Variants in DLG2 observed in about 807,000 individuals in gnomAD.
DLG2 encodes disks large homolog 2.
Under a neutral mutation model 132.5 loss-of-function variants are expected in DLG2, and 45 were observed. The ratio of observed to expected loss-of-function variants is 0.34; its 90% confidence interval spans 0.27 to 0.44. The LOEUF is 0.44. DLG2 is among the 20% of genes least tolerant of loss of function. DLG2 has a pLI of 1.00. For synonymous variants in DLG2, 424 were observed against 419.6 expected (o/e 1.01, Z -0.13); for missense variants, 1,045 against 1,196.9 (o/e 0.87, Z 1.87).
At chr11:85,132,657 T>C in intron 5 of DLG2, 2 of 449,068 alleles carry the variant, frequency 4.5e-6, no homozygotes, top group South Asian at 3.1e-5. Flanking sequence ...TAAATTATAC[T>C]AATCATTTTC....
In DLG2 at chr11:83,924,325, A is replaced by G. The variant is rs1591130926; in HGVS notation, c.1496+6003T>C. 2.0e-5 allele frequency among the ~76,000 whole-genome samples: 3 copies of G among 152,276 alleles called. No individual in the cohort carries two copies. The South Asian group carries it at 6.2e-4, about 32-fold the overall frequency. On this transcript the variant is annotated intron_variant, in intron 15 of 27. Coordinates refer to ENST00000376104, the MANE Select transcript of DLG2 (RefSeq NM_001142699.3). The stretch of plus-strand genomic sequence containing the variant: ...TCTGCAAGGAAAGAAAGCTTGCCAA[A>G]GATAAGTTTTAGTATTCAATTTGGA...
chr11:85,612,098 C>A (rs926357538), intron 2 of DLG2, among the ~76,000 whole-genome samples: 7 of 152,134 alleles, frequency 4.6e-5, no homozygotes, highest in African/African-American at 7.2e-5. Flanking sequence ...AAACAGTGTA[C>A]CCTATTCCTT....
intron 6 of DLG2, among the ~76,000 whole-genome samples, chr11:84,607,446 G>A (rs2099587807): frequency 6.6e-6 from 1 of 152,016 alleles, no homozygotes; most frequent in South Asian, 2.1e-4. Context: ...TCCTCATAAG[G>A]AAAGATGTAA....
rs761965828 is a variant in DLG2 at position 83,874,411 on chromosome 11, T to C, written c.1565+9A>G. Reference sequence around the variant, plus strand: ...GCACAGTTTAAGAGGTTCTGTATTATTATCTTACCCTTCCAGGGAGACGGC... The same window carrying C: ...GCACAGTTTAAGAGGTTCTGTATTACTATCTTACCCTTCCAGGGAGACGGC... On this transcript the variant is annotated intron_variant, in intron 16 of 27. Coordinates refer to ENST00000376104, the MANE Select transcript of DLG2 (RefSeq NM_001142699.3). The C allele has an allele frequency of 6.3e-7, 1 of 1,585,702 alleles. No homozygotes were observed.
intron 3 of DLG2, among the ~76,000 whole-genome samples, chr11:85,570,741 T>C (rs1304262857): frequency 1.3e-5 from 2 of 152,178 alleles, no homozygotes; most frequent in Non-Finnish European, 2.9e-5. Context: ...ATTATGTGTA[T>C]GTTGGTACAC....
rs367577970 is a variant in DLG2 at position 85,067,214 on chromosome 11, G to A, written c.357+44447C>T. Among the ~76,000 whole-genome samples, 18 of 151,684 alleles carry A rather than the reference G, an allele frequency of 1.2e-4. No individual in the cohort carries two copies. The South Asian group carries it at 1.5e-3, about 12-fold the overall frequency. ...TATTCCCTTTATCATTTTTTATTGC[G>A]TCTATTTGATTCTTCTCTCCTTTCT... On this transcript the variant is annotated intron_variant, in intron 6 of 27. Transcript: ENST00000376104.
intron 18 of DLG2, among the ~76,000 whole-genome samples, chr11:83,720,385 T>G (rs2153683324): frequency 6.7e-6 from 1 of 148,874 alleles, no homozygotes; most frequent in East Asian, 2.1e-4. Context: ...CATTTCTGTT[T>G]CTCAAGCTTT....
intron 14 of DLG2, among the ~76,000 whole-genome samples, chr11:83,935,848 C>T (rs570474945): frequency 1.4e-4 from 22 of 152,308 alleles, no homozygotes; most frequent in African/African-American, 5.3e-4. Context: ...TTAGATCTGG[C>T]TCTTTCAAAT....
chr11:85,353,011 T>C (rs1438754969), intron 3 of DLG2, among the ~76,000 whole-genome samples: 5 of 152,024 alleles, frequency 3.3e-5, no homozygotes, highest in Non-Finnish European at 7.4e-5. Context: ...CTAAAGAGCT[T>C]CTGCACAGCA....
intron 15 of DLG2, among the ~76,000 whole-genome samples, chr11:83,914,763 C>A (rs1188267766): frequency 6.6e-6 from 1 of 152,124 alleles, no homozygotes; most frequent in Admixed American, 6.6e-5. Context: ...CAGGAGACAA[C>A]AATCTGAATG....
chr11:84,331,771 A>G (rs931548018), intron 7 of DLG2, among the ~76,000 whole-genome samples: 1 of 152,134 alleles, frequency 6.6e-6, no homozygotes, highest in African/African-American at 2.4e-5. Context: ...GGTATTATAC[A>G]CTCAAGTGCC....
rs571646924 is a variant in DLG2 at position 85,500,813 on chromosome 11, G to C, written c.40+97844C>G. Among the ~76,000 whole-genome samples, 72 of 152,328 alleles carry C rather than the reference G, an allele frequency of 4.7e-4. 1 individual carries two copies. The highest frequency in any genetic ancestry group is 1.6e-3 in the African/African-American group (66 of 41,586). ...AACATTCCACGCTCATGGATAGGAA[G>C]AATCAATATCGTGCAAATGGCATTA... On this transcript the variant is annotated intron_variant, in intron 3 of 27. Coordinates refer to ENST00000376104, the MANE Select transcript of DLG2 (RefSeq NM_001142699.3).
intron 3 of DLG2, among the ~76,000 whole-genome samples, chr11:85,467,840 G>T (rs544981040): frequency 3.3e-5 from 5 of 152,188 alleles, no homozygotes; most frequent in Non-Finnish European, 4.4e-5. Flanking sequence ...GAGTTAGGGA[G>T]GATTCCCTCT....
chr11:83,704,784 G>A lies in DLG2; in HGVS notation c.1826-71459C>T, dbSNP rs57910870. 6.2e-3 allele frequency among the ~76,000 whole-genome samples: 946 copies of A among 152,120 alleles called. 7 individuals are homozygous for A. Among genetic ancestry groups the A allele is most frequent in the African/African-American group, 0.022 (893 of 41,484 alleles). The stretch of plus-strand genomic sequence containing the variant: ...GGAGGTGGCAGTGAGCCGAGATCAC[G>A]CCACTGCACTCCAGCCTGGGCGACA... On this transcript the variant is annotated intron_variant, in intron 18 of 27. Transcript: ENST00000376104.
chr11:84,420,811 G>A (rs1176659119), intron 7 of DLG2, among the ~76,000 whole-genome samples: 2 of 151,634 alleles, frequency 1.3e-5, no homozygotes, highest in African/African-American at 4.8e-5. Context: ...TGGGACTACA[G>A]GCGTGCGCCA....
intron 7 of DLG2, among the ~76,000 whole-genome samples, chr11:84,447,370 A>G (rs188905834): frequency 1.5e-3 from 231 of 152,306 alleles, no homozygotes; most frequent in Admixed American, 4.2e-3. Context: ...CAAAATCACA[A>G]TAGTCTAGAC....
chr11:83,753,691 A>T (rs1276166922), intron 18 of DLG2, among the ~76,000 whole-genome samples: 1 of 139,058 alleles, frequency 7.2e-6, no homozygotes, highest in Non-Finnish European at 1.5e-5. Context: ...ATATCAATTT[A>T]AAATATATAT....
At chr11:84,717,251 G>T (rs1231117121) in intron 6 of DLG2, among the ~76,000 whole-genome samples, 4 of 152,048 alleles carry the variant, frequency 2.6e-5, no homozygotes, top group Non-Finnish European at 5.9e-5. Context: ...TTCACACTTA[G>T]TAGGTAATCT....
intron 3 of DLG2, among the ~76,000 whole-genome samples, chr11:85,390,665 T>A (rs2086721045): frequency 6.6e-6 from 1 of 151,834 alleles, no homozygotes; most frequent in African/African-American, 2.4e-5. Flanking sequence ...TACATAAAAA[T>A]TAAATAATAT....
Sources: allele counts gnomAD v4.1 joint callset (sites outside exome capture counted in the v4.1 genomes callset), GRCh38; gene constraint gnomAD v4.1.1; transcripts MANE v1.5; gene names NCBI Gene and HGNC (gene_info 2026-07-23, HGNC 2026-07-21).